Variants in PRICKLE2 observed in about 807,000 individuals in gnomAD.
The protein encoded by PRICKLE2 is prickle planar cell polarity protein 2.
In PRICKLE2, 21 loss-of-function variants were observed where a neutral mutation model predicts 81.4. That is an observed-to-expected ratio of 0.26 (90% CI 0.18 to 0.37). The LOEUF is 0.37. Among genes scored for constraint, PRICKLE2 ranks in the 10% least tolerant of loss-of-function variants. PRICKLE2 has a pLI of 1.00. For missense variants in PRICKLE2, 940 were observed against 1,109.0 expected, an observed-to-expected ratio of 0.85 and a Z score of 2.16; for synonymous variants, 456 against 421.5, an observed-to-expected ratio of 1.08 and a Z score of -1.00.
At chr3:64,185,278 T>C (rs2078206509) in intron 2 of PRICKLE2, among the ~76,000 whole-genome samples, 1 of 152,144 alleles carries the variant, frequency 6.6e-6, no homozygotes, top group African/African-American at 2.4e-5. Flanking sequence ...GGGAAGTTAA[T>C]GTTTACAGAC....
chr3:64,188,300 G>T (rs1043830042), intron 2 of PRICKLE2, among the ~76,000 whole-genome samples: 1 of 152,344 alleles, frequency 6.6e-6, no homozygotes, highest in Admixed American at 6.5e-5. Flanking sequence ...TGCTTGAGAT[G>T]CCCAAGGTTA....
At chr3:64,178,973 T>TTCTTTCTTTCTTTCTTTC (rs2078071026) in intron 2 of PRICKLE2, among the ~76,000 whole-genome samples, 32 of 84,450 alleles carry the variant, frequency 3.8e-4, no homozygotes, top group African/African-American at 1.6e-3. Context: ...TTTTCTTTCT[T>TTCTTTCTTTCTTTCTTTC]TCTTTCTTTC....
At chr3:64,129,510 T>C (rs566789804) in intron 7 of PRICKLE2, among the ~76,000 whole-genome samples, 1 of 152,032 alleles carries the variant, frequency 6.6e-6, no homozygotes, top group Non-Finnish European at 1.5e-5. Context: ...AATTCGGGAA[T>C]GCTGGGGGGT....
chr3:64,147,564 G>T lies in PRICKLE2; in HGVS notation c.926C>A (p.Ala309Asp). ...ATTGGGGTCTTCCCCAGCACTGCAG[G>T]CCCGTGAGCAGAATATCTGGCCCTG... ...PKQGQIFCSR[A>D]CSAGEDPNGS... Residue 309 changes from alanine (A) to aspartate (D), a missense_variant, in exon 7 of 8, where the codon GCC becomes GAC. Physicochemically the swap from Ala to Asp is moderately radical, Grantham distance 126. This residue lies in a region of PRICKLE2 where 670 missense variants were observed against 717.2 expected (regional missense o/e 0.93). Coordinates refer to ENST00000638394, the MANE Select transcript of PRICKLE2 (RefSeq NM_198859.4). This position sits in a 1 kb window ranked among gnomAD's most constrained non-coding sequence, Gnocchi z 5.0. 1 of 1,614,258 alleles carries T rather than the reference G, an allele frequency of 6.2e-7. No individual in the cohort carries two copies. Among genetic ancestry groups the T allele is most frequent in the South Asian group, 1.1e-5 (1 of 91,090 alleles).
intron 2 of PRICKLE2, among the ~76,000 whole-genome samples, chr3:64,190,739 C>A (rs1045794431): frequency 6.6e-6 from 1 of 152,234 alleles, no homozygotes; most frequent in Non-Finnish European, 1.5e-5. Context: ...AAGGTTCCAA[C>A]TGGCAGAGAG....
chr3:64,147,786 G>A lies in PRICKLE2; in HGVS notation c.788-84C>T. The stretch of plus-strand genomic sequence containing the variant: ...CGTGAAACACATAGCACCTTGGTTT[G>A]TCTCAGGATTCCAGGTGCGGCAGGA... On this transcript the variant is annotated intron_variant, in intron 6 of 7. Coordinates refer to ENST00000638394, the MANE Select transcript of PRICKLE2 (RefSeq NM_198859.4). The surrounding 1 kb of genome is among the most constrained non-coding windows in gnomAD (Gnocchi z 5.0). The A allele has an allele frequency of 6.8e-7, 1 of 1,469,412 alleles. No homozygotes were observed. The highest frequency in any genetic ancestry group is 9.5e-7 in the Non-Finnish European group (1 of 1,051,598). The allele number at this position is 1,469,412 out of a possible 1,614,324, so 91.0% of individuals were successfully genotyped here. A position where few individuals can be genotyped will look rare whatever the true frequency, so the allele number is the denominator to read the frequency against.
At chr3:64,245,731 G>A (rs1005364623) in intron 2 of PRICKLE2, among the ~76,000 whole-genome samples, 3 of 152,174 alleles carry the variant, frequency 2.0e-5, no homozygotes, top group East Asian at 3.9e-4. Context: ...GGAATGGGCA[G>A]CTAAGCATTG....
rs183686997 is a variant in PRICKLE2, at chr3:64,169,150, T to C, written c.145-6021A>G. Among the ~76,000 whole-genome samples, 11 of 152,300 alleles carry C rather than the reference T, an allele frequency of 7.2e-5. 1 individual carries two copies. Among genetic ancestry groups the C allele is most frequent in the Admixed American group, 6.5e-4 (10 of 15,296 alleles). On this transcript the variant is annotated intron_variant, in intron 2 of 7. Transcript: ENST00000638394. ...TCTGGGAAGCTCTTTTAAAGGAGGC[T>C]AGACAGTTGTTAGCCAAGACCTTTT...
At chr3:64,193,241 A>G (rs1396601666) in intron 2 of PRICKLE2, among the ~76,000 whole-genome samples, 1 of 152,168 alleles carries the variant, frequency 6.6e-6, no homozygotes, top group Non-Finnish European at 1.5e-5. Flanking sequence ...ATGGTGCTCA[A>G]TGATGGTATC....
chr3:64,181,546 T>C (rs927922229), intron 2 of PRICKLE2, among the ~76,000 whole-genome samples: 1 of 152,270 alleles, frequency 6.6e-6, no homozygotes. Flanking sequence ...TTCCCCTTGT[T>C]TTAGTTATTC....
intron 7 of PRICKLE2, among the ~76,000 whole-genome samples, chr3:64,126,228 G>T (rs569798694): frequency 2.0e-5 from 3 of 152,264 alleles, no homozygotes; most frequent in African/African-American, 7.2e-5. Context: ...TCTGGGACAA[G>T]AATTTTTAGC....
intron 2 of PRICKLE2, among the ~76,000 whole-genome samples, chr3:64,164,795 G>A (rs761520448): frequency 6.6e-6 from 1 of 152,166 alleles, no homozygotes; most frequent in Non-Finnish European, 1.5e-5. Context: ...GCCCACTGTT[G>A]ACCAGTACTC....
chr3:64,197,108 G>C (rs547914500), intron 2 of PRICKLE2, among the ~76,000 whole-genome samples: 2 of 152,304 alleles, frequency 1.3e-5, no homozygotes, highest in African/African-American at 4.8e-5. Flanking sequence ...AGTTATGAGT[G>C]AATTCTTGGG....
rs913833179 is a variant in PRICKLE2 at position 64,225,293 on chromosome 3, G to A, written c.-424C>T. On this transcript the variant is annotated 5_prime_UTR_variant, in exon 1 of 8. Coordinates refer to ENST00000638394, the MANE Select transcript of PRICKLE2 (RefSeq NM_198859.4). ...CCTTCTTCATGACAATCTGAAGGAA[G>A]AAGTCATAGACTCCAGCCCAGCGTC... 4 of 985,378 alleles carry A rather than the reference G, an allele frequency of 4.1e-6. No homozygotes were observed. The African/African-American group carries it at 7.0e-5, about 17-fold the overall frequency. The allele number at this position is 985,378 out of a possible 1,614,324, so 61.0% of individuals were successfully genotyped here. A position where few individuals can be genotyped will look rare whatever the true frequency, so the allele number is the denominator to read the frequency against.
intron 2 of PRICKLE2, among the ~76,000 whole-genome samples, chr3:64,259,785 G>A (rs2079589172): frequency 6.6e-6 from 1 of 152,140 alleles, no homozygotes; most frequent in Non-Finnish European, 1.5e-5. Context: ...CTGTAACCAT[G>A]GAAAGCCAAG....
chr3:64,199,196 C>T (rs939510142), intron 1 of PRICKLE2: 5 of 601,460 alleles, frequency 8.3e-6, no homozygotes, highest in Non-Finnish European at 1.5e-5. Flanking sequence ...GGTAAGCATG[C>T]TAAGGGTGTT....
chr3:64,132,691 C>T (rs994728727), intron 7 of PRICKLE2, among the ~76,000 whole-genome samples: 2 of 152,180 alleles, frequency 1.3e-5, no homozygotes, highest in African/African-American at 4.8e-5. Flanking sequence ...CCACAAAGAT[C>T]TTGATCAAAC....
rs558958338 is a variant in PRICKLE2, at chr3:64,198,480, C to T, written c.144+304G>A. 2.2e-4 allele frequency among the ~76,000 whole-genome samples: 33 copies of T among 152,016 alleles called. No individual in the cohort carries two copies. In the South Asian group the frequency reaches 2.9e-3, roughly 13 times the overall value. On this transcript the variant is annotated intron_variant, in intron 2 of 7. Transcript: ENST00000638394. ...CTGGTAGAGGAGAAAATTTGAAGTA[C>T]CAAGAAATACAAGAGGCTGTATTTC...
chr3:64,255,949 G>A (rs2079518546), intron 2 of PRICKLE2, among the ~76,000 whole-genome samples: 1 of 152,168 alleles, frequency 6.6e-6, no homozygotes. Flanking sequence ...GAGCGACTCT[G>A]AGGAAGGGAG....
Sources: gnomAD v4.1 joint callset for allele counts (sites outside exome capture counted in the v4.1 genomes callset) on GRCh38, gnomAD v4.1.1 for gene constraint, gnomAD v4.1.1 regional missense constraint, Gnocchi (gnomAD v3.1) non-coding constraint, MANE v1.5 for transcripts, NCBI Gene and HGNC (gene_info 2026-07-23, HGNC 2026-07-21) for gene names.